CRB1: variants seen among roughly 807,000 people sequenced by gnomAD.
The protein encoded by CRB1 is crumbs cell polarity complex component 1, also known as protein crumbs homolog 1.
A neutral mutation model predicts 120.0 loss-of-function variants in CRB1; 83 were observed. That is an observed-to-expected ratio of 0.69 (90% confidence interval 0.58 to 0.83). The LOEUF (loss-of-function observed/expected upper bound fraction) is 0.83, where lower values mean the gene tolerates loss of function less well. CRB1 is among the 40% of genes least tolerant of loss of function. The pLI, the probability that CRB1 is intolerant of heterozygous loss-of-function variation, is 0.00. For synonymous variants in CRB1, 625 were observed against 612.5 expected (o/e 1.02, Z -0.30); for missense variants, 1,699 against 1,687.6 (o/e 1.01, Z -0.12).
intron 5 of CRB1, among the ~76,000 whole-genome samples, chr1:197,383,324 C>T (rs768873049): frequency 6.6e-6 from 1 of 152,150 alleles, no homozygotes; most frequent in Non-Finnish European, 1.5e-5. Context: ...TTCTAAGCTT[C>T]ATCTCTGAAT....
Position 197,478,001 on chromosome 1 carries a change from A to G in CRB1, c.*122A>G. On this transcript the variant is annotated 3_prime_UTR_variant, in exon 12 of 12. Transcript: ENST00000367400. ...CTGGGATTACACTGGAACTACAGGA[A>G]TGATTCCTTTGACCACCTTAAAAAC... is the stretch of plus-strand genomic sequence containing the variant. 9.8e-7 allele frequency: 1 copy of G among 1,023,230 alleles called. No individual in the cohort carries two copies. The highest frequency in any genetic ancestry group is 1.9e-5 in the Admixed American group (1 of 53,454). The allele number at this position is 1,023,230 out of a possible 1,614,324, so 63.4% of individuals were successfully genotyped here. A position where few individuals can be genotyped will look rare whatever the true frequency, so the allele number is the denominator to read the frequency against.
At chr1:197,322,052 A>G (rs1307339114) in intron 1 of CRB1, among the ~76,000 whole-genome samples, 5 of 152,264 alleles carry the variant, frequency 3.3e-5, no homozygotes, top group African/African-American at 9.6e-5. Context: ...GAGTTGCACT[A>G]TCCAACACAG....
chr1:197,296,242 A>G (rs990640034), intron 1 of CRB1, among the ~76,000 whole-genome samples: 6 of 152,044 alleles, frequency 3.9e-5, no homozygotes, highest in African/African-American at 1.2e-4. Context: ...CTTGAATTCT[A>G]TCTCCACTAC....
At chr1:197,425,852 T>C (rs1211043784) in intron 6 of CRB1, among the ~76,000 whole-genome samples, 1 of 152,098 alleles carries the variant, frequency 6.6e-6, no homozygotes, top group Non-Finnish European at 1.5e-5. Context: ...TCCAGTCTTG[T>C]GGCTCTAAAT....
In CRB1 at chr1:197,338,301, T is replaced by C. The variant is rs542405556; in HGVS notation, c.653-5980T>C. Among the ~76,000 whole-genome samples, 5 of 152,284 alleles carry C rather than the reference T, an allele frequency of 3.3e-5. No individual in the cohort carries two copies. In the South Asian group the frequency reaches 1.0e-3, roughly 32 times the overall value. ...ATATATTACTATCTTGTAAATTTTA[T>C]GATATTTATGATGCAAGTGAAGTGG... is the stretch of plus-strand genomic sequence containing the variant. On this transcript the variant is annotated intron_variant, in intron 2 of 11. Coordinates refer to ENST00000367400, the MANE Select transcript of CRB1 (RefSeq NM_201253.3).
chr1:197,327,125 A>AAAAAAAAC (rs1658560711), intron 1 of CRB1, among the ~76,000 whole-genome samples: 3 of 148,654 alleles, frequency 2.0e-5, no homozygotes, highest in Non-Finnish European at 3.0e-5. Context: ...AAAAAAAAAA[A>AAAAAAAAC]AAAAAAACAG....
the CRB1 span, among the ~76,000 whole-genome samples, chr1:197,210,217 C>T: frequency 6.6e-6 from 1 of 152,276 alleles, no homozygotes; most frequent in East Asian, 1.9e-4. Context: ...TATTTGTCAA[C>T]TTGGCTAGGC....
At chr1:197,340,217 A>T (rs1212483789) in intron 2 of CRB1, among the ~76,000 whole-genome samples, 1 of 152,142 alleles carries the variant, frequency 6.6e-6, no homozygotes, top group Non-Finnish European at 1.5e-5. Context: ...CACAAACTGG[A>T]TATTTGGGAA....
intron 4 of CRB1, among the ~76,000 whole-genome samples, chr1:197,349,366 T>C (rs188753111): frequency 2.0e-5 from 3 of 152,226 alleles, no homozygotes; most frequent in Admixed American, 6.5e-5. Flanking sequence ...AAGTGATGCA[T>C]GACTCTTTTT....
At chr1:197,314,265 G>A (rs1213001298) in intron 1 of CRB1, among the ~76,000 whole-genome samples, 1 of 152,126 alleles carries the variant, frequency 6.6e-6, no homozygotes, top group Non-Finnish European at 1.5e-5. Flanking sequence ...ATCGTCTTCA[G>A]ATATGTGAAT....
chr1:197,314,560 C>T (rs186149229), intron 1 of CRB1, among the ~76,000 whole-genome samples: 11 of 152,196 alleles, frequency 7.2e-5, no homozygotes, highest in East Asian at 3.9e-4. Flanking sequence ...GACATTCAGA[C>T]GATAATTAAA....
intron 6 of CRB1, among the ~76,000 whole-genome samples, chr1:197,426,060 G>A (rs1294398883): frequency 6.6e-6 from 1 of 151,374 alleles, no homozygotes; most frequent in Admixed American, 6.6e-5. Context: ...AATTTAATAT[G>A]GACTCCCACC....
intron 6 of CRB1, among the ~76,000 whole-genome samples, chr1:197,426,910 G>T (rs78131490): frequency 0.011 from 1,667 of 152,288 alleles, 27 homozygotes; most frequent in African/African-American, 0.038. Flanking sequence ...CATGTTAATA[G>T]CAGACCTGGG....
At chr1:197,235,570 A>G in the CRB1 span, among the ~76,000 whole-genome samples, 1 of 152,158 alleles carries the variant, frequency 6.6e-6, no homozygotes, top group African/African-American at 2.4e-5. Context: ...TATCAGTCAT[A>G]TGAGTGAGAC....
intron 2 of CRB1, among the ~76,000 whole-genome samples, chr1:197,335,941 C>T (rs1659129261): frequency 6.6e-6 from 1 of 152,190 alleles, no homozygotes; most frequent in Non-Finnish European, 1.5e-5. Flanking sequence ...CCTCTGATGG[C>T]AATGTCTAGA....
chr1:197,308,176 T>A (rs1349509226), intron 1 of CRB1, among the ~76,000 whole-genome samples: 2 of 152,212 alleles, frequency 1.3e-5, no homozygotes, highest in Non-Finnish European at 2.9e-5. Flanking sequence ...AGCAAATGAA[T>A]GTGGAAATAG....
chr1:197,344,037 T>G (rs946876114), intron 2 of CRB1, among the ~76,000 whole-genome samples: 1 of 152,232 alleles, frequency 6.6e-6, no homozygotes, highest in African/African-American at 2.4e-5. Context: ...ATGACTTATT[T>G]GTTTTCACGG....
At chr1:197,330,620 G>T (rs1281762836) in intron 2 of CRB1, among the ~76,000 whole-genome samples, 1 of 152,094 alleles carries the variant, frequency 6.6e-6, no homozygotes, top group African/African-American at 2.4e-5. Flanking sequence ...TACTTTTTAA[G>T]ACCTAGTTCA....
Position 197,369,212 on chromosome 1 carries a change from G to A in CRB1, c.1171+12199G>A, listed in dbSNP as rs552081651. Among the ~76,000 whole-genome samples the A allele has an allele frequency of 1.2e-4, 18 of 152,070 alleles. No individual in the cohort carries two copies. The South Asian group carries it at 3.8e-3, about 32-fold the overall frequency. ...TTTTATTAAGCATGTTAATCATTAAGTACAATATTATTGACCTACACCTGA... is the reference window on the plus strand; with the variant it reads ...TTTTATTAAGCATGTTAATCATTAAATACAATATTATTGACCTACACCTGA... On this transcript the variant is annotated intron_variant, in intron 5 of 11. Coordinates refer to ENST00000367400, the MANE Select transcript of CRB1 (RefSeq NM_201253.3).
Sources: allele counts gnomAD v4.1 joint callset (sites outside exome capture counted in the v4.1 genomes callset), GRCh38; gene constraint gnomAD v4.1.1; transcripts MANE v1.5; gene names NCBI Gene and HGNC (gene_info 2026-07-23, HGNC 2026-07-21).